The following GRK5 variants were observed in gnomAD, a reference collection of about 807,000 sequenced individuals.
GRK5 encodes G protein-coupled receptor kinase 5, also known as g protein-coupled receptor kinase GRK5.
In GRK5, 40 loss-of-function variants were observed where a neutral mutation model predicts 78.4. That is an observed-to-expected ratio of 0.51 (90% CI 0.40 to 0.66). The LOEUF is 0.66. Among genes scored for constraint, GRK5 ranks in the 30% least tolerant of loss-of-function variants. GRK5 has a pLI of 0.00. For missense variants in GRK5, 598 were observed against 759.9 expected (o/e 0.79, Z 2.50); for synonymous variants, 289 against 296.8 (o/e 0.97, Z 0.27).
chr10:119,321,314 CA>C, intron 1 of GRK5, among the ~76,000 whole-genome samples: 1 of 152,326 alleles, frequency 6.6e-6, no homozygotes, highest in East Asian at 1.9e-4. Flanking sequence ...CAGATTGCCA[CA>C]AGCTAAGTGG....
chr10:119,232,766 GA>G (rs1463845174), intron 1 of GRK5, among the ~76,000 whole-genome samples: 3 of 152,178 alleles, frequency 2.0e-5, no homozygotes, highest in Admixed American at 1.3e-4. Context: ...AAAGTCCAAT[GA>G]AACCTCTTTC....
At chr10:119,373,486 G>A (rs1007320314) in intron 2 of GRK5, among the ~76,000 whole-genome samples, 1 of 152,210 alleles carries the variant, frequency 6.6e-6, no homozygotes, top group African/African-American at 2.4e-5. Context: ...CAAACGCTCT[G>A]TCTTGCCTGC....
At chr10:119,413,413 GCACA>G (rs34125415) in intron 4 of GRK5, among the ~76,000 whole-genome samples, 10 of 150,356 alleles carry the variant, frequency 6.7e-5, no homozygotes, top group African/African-American at 2.4e-4. Context: ...ACAGGCGCGT[GCACA>G]CACACACACA....
rs896000383 is a variant in GRK5 at position 119,459,145 on chromosome 10, C to T, written c.*4078C>T. On this transcript the variant is annotated 3_prime_UTR_variant, in exon 16 of 16. Coordinates refer to ENST00000392870, the MANE Select transcript of GRK5 (RefSeq NM_005308.3). ...GTCTTTGTGCATTTGGAAGTGACAT[C>T]GCTGTGTGGATTATGAATACAGAGA... is the stretch of plus-strand genomic sequence containing the variant. 6.6e-6 allele frequency: 1 copy of T among 152,202 alleles called. No homozygotes were observed. Among genetic ancestry groups the T allele is most frequent in the Non-Finnish European group, 1.5e-5 (1 of 68,036 alleles). The allele number at this position is 152,202 out of a possible 1,614,324, so 9.4% of individuals were successfully genotyped here. A position where few individuals can be genotyped will look rare whatever the true frequency, so the allele number is the denominator to read the frequency against.
intron 4 of GRK5, among the ~76,000 whole-genome samples, chr10:119,411,536 G>A (rs1218168685): frequency 2.0e-5 from 3 of 152,116 alleles, no homozygotes; most frequent in African/African-American, 7.2e-5. Context: ...CTTTGAGGGG[G>A]GACTGAAGCT....
chr10:119,225,878 T>G (rs1848730010), intron 1 of GRK5, among the ~76,000 whole-genome samples: 1 of 150,986 alleles, frequency 6.6e-6, no homozygotes, highest in South Asian at 2.1e-4. Flanking sequence ...AGATGGAGTC[T>G]CGCTCTGTCA....
At chr10:119,241,361 G>A (rs1197164058) in intron 1 of GRK5, among the ~76,000 whole-genome samples, 1 of 152,204 alleles carries the variant, frequency 6.6e-6, no homozygotes, top group African/African-American at 2.4e-5. Flanking sequence ...ATGCCAGATG[G>A]CCTTTAGTGC....
chr10:119,417,510 G>C (rs890147701), intron 4 of GRK5, among the ~76,000 whole-genome samples: 1 of 152,178 alleles, frequency 6.6e-6, no homozygotes, highest in African/African-American at 2.4e-5. Flanking sequence ...TACAAATGCA[G>C]CTTCAGGACA....
chr10:119,344,898 C>T (rs1332190036), intron 2 of GRK5, among the ~76,000 whole-genome samples: 1 of 143,260 alleles, frequency 7.0e-6, no homozygotes, highest in Non-Finnish European at 1.5e-5. Flanking sequence ...TCCTTCCTTC[C>T]TTCCTTCCTT....
chr10:119,245,994 TG>T (rs1323996560), intron 1 of GRK5, among the ~76,000 whole-genome samples: 1 of 116,128 alleles, frequency 8.6e-6, no homozygotes, highest in East Asian at 2.7e-4. Context: ...CCCTCCAGCC[TG>T]GGTGACAGAG....
rs564026505 is a variant in GRK5 at position 119,371,702 on chromosome 10, A to G, written c.149-9113A>G. Among the ~76,000 whole-genome samples, 10 of 152,322 alleles carry G rather than the reference A, an allele frequency of 6.6e-5. No individual in the cohort carries two copies. In the East Asian group the frequency reaches 9.7e-4, roughly 15 times the overall value. ...GGGAACTCCTGCCTGCTTTGGTGCT[A>G]ATGGAGAGTCAAGGTTCCTTTTTCA... On this transcript the variant is annotated intron_variant, in intron 2 of 15. Transcript: ENST00000392870.
At chr10:119,255,386 C>A (rs1332405570) in intron 1 of GRK5, among the ~76,000 whole-genome samples, 1 of 152,216 alleles carries the variant, frequency 6.6e-6, no homozygotes, top group Non-Finnish European at 1.5e-5. Flanking sequence ...TTCCAGGAAG[C>A]TTTGTCACAT....
rs1388663008 is a variant in GRK5, at chr10:119,303,202, G to A, written c.53-23314G>A. Among the ~76,000 whole-genome samples the A allele has an allele frequency of 2.6e-5, 4 of 152,186 alleles. No individual in the cohort carries two copies. In the East Asian group the frequency reaches 5.8e-4, roughly 22 times the overall value. ...GTGAATTGAGAGTAAAACGCTAGTT[G>A]GACGAGATCATGTTATATCTGTAAA... is the stretch of plus-strand genomic sequence containing the variant. On this transcript the variant is annotated intron_variant, in intron 1 of 15. Transcript: ENST00000392870.
intron 1 of GRK5, among the ~76,000 whole-genome samples, chr10:119,310,664 G>A (rs539524058): frequency 6.6e-6 from 1 of 152,320 alleles, no homozygotes; most frequent in Admixed American, 6.5e-5. Context: ...AGATGTAGAG[G>A]GATAGAGGGA....
intron 13 of GRK5, among the ~76,000 whole-genome samples, chr10:119,449,681 T>C (rs7909370): frequency 0.17 from 25,945 of 151,942 alleles, 2,631 homozygotes; most frequent in East Asian, 0.31. Flanking sequence ...CCCAGCTACC[T>C]GGGAGGCTGA....
chr10:119,451,601 C>G (rs1853288713), intron 13 of GRK5, among the ~76,000 whole-genome samples: 1 of 152,216 alleles, frequency 6.6e-6, no homozygotes, highest in Admixed American at 6.5e-5. Context: ...GCACCCCGGG[C>G]TTTGGGAACT....
chr10:119,215,688 C>G (rs907033211), intron 1 of GRK5, among the ~76,000 whole-genome samples: 1 of 151,920 alleles, frequency 6.6e-6, no homozygotes, highest in African/African-American at 2.4e-5. Flanking sequence ...TTTTCAATAT[C>G]TTGTTGGGAA....
At chr10:119,214,973 G>C (rs1223585642) in intron 1 of GRK5, among the ~76,000 whole-genome samples, 2 of 152,236 alleles carry the variant, frequency 1.3e-5, no homozygotes, top group Non-Finnish European at 2.9e-5. Flanking sequence ...GCAGAGGCCT[G>C]GGCGGGTAGA....
At chr10:119,348,755 C>T (rs1438789478) in intron 2 of GRK5, among the ~76,000 whole-genome samples, 1 of 152,218 alleles carries the variant, frequency 6.6e-6, no homozygotes, top group Non-Finnish European at 1.5e-5. Context: ...CTGAGGCGGG[C>T]CACCAGTGAG....
Sources: gnomAD v4.1 joint callset for allele counts (sites outside exome capture counted in the v4.1 genomes callset) on GRCh38, gnomAD v4.1.1 for gene constraint, MANE v1.5 for transcripts, NCBI Gene and HGNC (gene_info 2026-07-23, HGNC 2026-07-21) for gene names.